AZIN2: variants seen among roughly 807,000 people sequenced by gnomAD.
AZIN2 encodes the protein antizyme inhibitor 2.
AZIN2 carries 28 observed loss-of-function variants against 47.8 expected under a neutral mutation model. The ratio of observed to expected loss-of-function variants is 0.59; its 90% CI spans 0.43 to 0.80. The LOEUF is 0.80. AZIN2 is among the 30% of genes least tolerant of loss of function. The pLI is 0.00. For synonymous variants in AZIN2, 221 were observed against 239.4 expected, an observed-to-expected ratio of 0.92 and a Z score of 0.71; for missense variants, 535 against 582.5, an observed-to-expected ratio of 0.92 and a Z score of 0.84.
At chr1:33,143,086 C>G in the AZIN2 span, 131 of 152,352 alleles carry the variant, frequency 8.6e-4, no homozygotes, top group African/African-American at 2.8e-3. Flanking sequence ...TTTGTCCCCT[C>G]TCTTCACTTA....
At chr1:33,152,263 C>T in the AZIN2 span, among the ~76,000 whole-genome samples, 1 of 152,174 alleles carries the variant, frequency 6.6e-6, no homozygotes, top group Non-Finnish European at 1.5e-5. Flanking sequence ...CCCCAGAAAG[C>T]CTGTTCAGCA....
intron 6 of AZIN2, 82 bp from the exon 7 acceptor site, chr1:33,093,200 G>A (rs1451119654): frequency 6.3e-7 from 1 of 1,581,720 alleles, no homozygotes; most frequent in Non-Finnish European, 8.6e-7. Context: ...GAGCCATGTA[G>A]CTCACAGCCC....
In AZIN2 at chr1:33,118,006, A is replaced by T; in HGVS notation, c.1134A>T (p.Val378=). 1 of 1,603,698 alleles carries T rather than the reference A, an allele frequency of 6.2e-7. No individual in the cohort carries two copies. Among genetic ancestry groups the T allele is most frequent in the East Asian group, 2.2e-5 (1 of 44,848 alleles). Residue 378 remains valine (V), a synonymous_variant, in exon 11 of 12, where the codon GTA becomes GTT. Coordinates refer to ENST00000294517, the MANE Select transcript of AZIN2 (RefSeq NM_052998.4). ...AEGLWLPQLH[V]GDWLVFDNMG... The stretch of plus-strand genomic sequence containing the variant: ...GCCTGTGGCTGCCGCAACTACACGT[A>T]GGGGACTGGCTGGTCTTTGACAACA...
downstream of AZIN2, among the ~76,000 whole-genome samples, chr1:33,125,079 C>T (rs1040762397): frequency 3.9e-5 from 6 of 152,142 alleles, no homozygotes; most frequent in South Asian, 2.1e-4. Context: ...GTCAGAGAGA[C>T]GCAAGTTGTC....
chr1:33,114,320 C>T (rs1471404851), intron 10 of AZIN2, among the ~76,000 whole-genome samples: 1 of 132,230 alleles, frequency 7.6e-6, no homozygotes. Flanking sequence ...AGGGCTTTAC[C>T]ATGTTGGCCA....
intron 10 of AZIN2, among the ~76,000 whole-genome samples, chr1:33,101,475 G>C (rs537782120): frequency 6.7e-6 from 1 of 148,290 alleles, no homozygotes; most frequent in South Asian, 2.1e-4. Context: ...TGGTGCTTTT[G>C]AACATGTTTC....
the AZIN2 span, among the ~76,000 whole-genome samples, chr1:33,130,356 T>G: frequency 1.8e-4 from 28 of 152,358 alleles, no homozygotes; most frequent in African/African-American, 6.0e-4. Flanking sequence ...ATTTCTGAGA[T>G]TCGATTACAA....
At chr1:33,111,668 CT>C (rs1644293599) in intron 10 of AZIN2, among the ~76,000 whole-genome samples, 1 of 151,060 alleles carries the variant, frequency 6.6e-6, no homozygotes, top group Non-Finnish European at 1.5e-5. Flanking sequence ...AGTGCAGTGG[CT>C]CGGCTCACTG....
rs766709140 is a variant in AZIN2 at position 33,098,194 on chromosome 1, C to G, written c.1029+15C>G. On this transcript the variant is annotated intron_variant, in intron 10 of 11. Transcript: ENST00000294517. ...TCCTGCAGAAGGTGAGCTTACCCCA[C>G]GTGGGCCTGTTTTCAGTTGTGTGTG... is the stretch of plus-strand genomic sequence containing the variant. The G allele has an allele frequency of 6.4e-7, 1 of 1,571,582 alleles. No homozygotes were observed. Among genetic ancestry groups the G allele is most frequent in the South Asian group, 1.1e-5 (1 of 87,796 alleles).
the AZIN2 span, among the ~76,000 whole-genome samples, chr1:33,140,220 G>A: frequency 2.6e-5 from 4 of 152,198 alleles, no homozygotes; most frequent in African/African-American, 9.7e-5. This position sits in a 1 kb window ranked among gnomAD's most constrained non-coding sequence, Gnocchi z 4.0. Flanking sequence ...TTACGGTGGC[G>A]ATGAAGGAGC....
the AZIN2 span, among the ~76,000 whole-genome samples, chr1:33,161,888 G>A: frequency 2.6e-5 from 4 of 151,966 alleles, no homozygotes; most frequent in Non-Finnish European, 4.4e-5. The surrounding 1 kb of genome is among the most constrained non-coding windows in gnomAD (Gnocchi z 4.3). Context: ...CATGTTCCTC[G>A]GGGCTCATCC....
At chr1:33,153,225 G>T in the AZIN2 span, among the ~76,000 whole-genome samples, 1 of 152,182 alleles carries the variant, frequency 6.6e-6, no homozygotes, top group Admixed American at 6.5e-5. Flanking sequence ...TTTGGTGCTG[G>T]CAGAGGAGCC....
chr1:33,136,830 C>T, the AZIN2 span, among the ~76,000 whole-genome samples: 1 of 151,606 alleles, frequency 6.6e-6, no homozygotes, highest in Non-Finnish European at 1.5e-5. Context: ...AACCCTGTCT[C>T]TACTAAAAAT....
intron 11 of AZIN2, chr1:33,118,366 T>C: frequency 2.6e-6 from 1 of 386,106 alleles, no homozygotes; most frequent in Non-Finnish European, 4.6e-6. Context: ...CTGTGCCTGG[T>C]GGAAGTGCAG....
At chr1:33,157,652 C>A in the AZIN2 span, among the ~76,000 whole-genome samples, 1 of 152,136 alleles carries the variant, frequency 6.6e-6, no homozygotes, top group South Asian at 2.1e-4. Flanking sequence ...CTGATGTGAA[C>A]TCTTATGTAC....
At chr1:33,126,683 G>C (rs1378815779), downstream of AZIN2, among the ~76,000 whole-genome samples, 4 of 152,090 alleles carry the variant, frequency 2.6e-5, no homozygotes, top group Non-Finnish European at 5.9e-5. Flanking sequence ...CCATACACTA[G>C]TGAGCCCCAG....
intron 5 of AZIN2, among the ~76,000 whole-genome samples, chr1:33,088,417 T>G (rs941465378): frequency 6.6e-6 from 1 of 152,240 alleles, no homozygotes; most frequent in African/African-American, 2.4e-5. Context: ...GCGATGGTGA[T>G]AGCCACTGAC....
At chr1:33,157,765 C>A in the AZIN2 span, among the ~76,000 whole-genome samples, 1 of 150,794 alleles carries the variant, frequency 6.6e-6, no homozygotes, top group Non-Finnish European at 1.5e-5. Flanking sequence ...TTTTTTCTTC[C>A]TTTTTTTCCG....
rs1238222693 is a variant in AZIN2 at position 33,122,642 on chromosome 1, CCA to C, written c.*2462_*2463del. Among the ~76,000 whole-genome samples the C allele has an allele frequency of 6.6e-6, 1 of 152,144 alleles. No individual in the cohort carries two copies. The highest frequency in any genetic ancestry group is 1.9e-4 in the East Asian group (1 of 5,174). On this transcript the variant is annotated 3_prime_UTR_variant, in exon 12 of 12. Coordinates refer to ENST00000294517, the MANE Select transcript of AZIN2 (RefSeq NM_052998.4). ...TCCTCCAAGCTCCCTGCTGAGCGACCCACTGGCAGTGGCTCCTCATGCCTCCT... is the reference window on the plus strand; with the variant it reads ...TCCTCCAAGCTCCCTGCTGAGCGACCCTGGCAGTGGCTCCTCATGCCTCCT...
Sources: gnomAD v4.1 joint callset for allele counts (sites outside exome capture counted in the v4.1 genomes callset) on GRCh38, gnomAD v4.1.1 for gene constraint, Gnocchi (gnomAD v3.1) non-coding constraint, MANE v1.5 for transcripts, NCBI Gene and HGNC (gene_info 2026-07-23, HGNC 2026-07-21) for gene names.